GRXCR1: variants seen among roughly 807,000 people sequenced by gnomAD.
GRXCR1 encodes the protein glutaredoxin domain-containing cysteine-rich protein 1.
In GRXCR1, 27 loss-of-function variants were observed where a neutral mutation model predicts 27.3. The ratio of observed to expected loss-of-function variants is 0.99; its 90% CI spans 0.73 to 1.37. GRXCR1 has a LOEUF of 1.37. Among genes scored for constraint, GRXCR1 ranks in the 40% most tolerant of loss-of-function variants. The pLI, the probability that GRXCR1 is intolerant of heterozygous loss-of-function variation, is 0.00. For synonymous variants in GRXCR1, 122 were observed against 131.1 expected (o/e 0.93, Z 0.47); for missense variants, 379 against 354.4 (o/e 1.07, Z -0.56).
chr4:43,007,023 G>T (rs1286806365), intron 2 of GRXCR1, among the ~76,000 whole-genome samples: 1 of 152,296 alleles, frequency 6.6e-6, no homozygotes, highest in Admixed American at 6.5e-5. Flanking sequence ...TGTTGGGAAA[G>T]GGGAGCAGTA....
At chr4:42,997,270 A>G (rs1389718551) in intron 2 of GRXCR1, among the ~76,000 whole-genome samples, 3 of 152,152 alleles carry the variant, frequency 2.0e-5, no homozygotes, top group Non-Finnish European at 4.4e-5. Context: ...GGACACTTCA[A>G]ATATTTAGTG....
intron 1 of GRXCR1, among the ~76,000 whole-genome samples, chr4:42,910,842 C>A (rs1356613434): frequency 1.3e-5 from 2 of 152,042 alleles, no homozygotes; most frequent in African/African-American, 4.8e-5. Context: ...AAGGGGAGTG[C>A]ATGCTGATTT....
chr4:43,017,830 G>T (rs1314046021), intron 2 of GRXCR1, among the ~76,000 whole-genome samples: 3 of 152,106 alleles, frequency 2.0e-5, no homozygotes, highest in Non-Finnish European at 4.4e-5. Flanking sequence ...TCTCTTTTGT[G>T]GACACAGAGG....
At position 42,903,308 on chromosome 4, in the gene GRXCR1, ATTTTTTTTTT is replaced by A. The variant is rs35512711; in HGVS notation, c.384+9677_384+9686del. ...AAAAATTTGGGCCACAGCTTTGTAG[ATTTTTTTTTT>A]TTTTTTTTTTTTTTTTTTAGACGGA... On this transcript the variant is annotated intron_variant, in intron 1 of 3. Coordinates refer to ENST00000399770, the MANE Select transcript of GRXCR1 (RefSeq NM_001080476.3). Among the ~76,000 whole-genome samples, 13 of 63,228 alleles carry A rather than the reference ATTTTTTTTTT, an allele frequency of 2.1e-4. 1 individual carries two copies. The highest frequency in any genetic ancestry group is 6.2e-4 in the East Asian group (1 of 1,612). 41.5% of individuals were successfully genotyped at this position (63,228 alleles called of 152,430 possible).
intron 2 of GRXCR1, among the ~76,000 whole-genome samples, chr4:42,978,762 G>A (rs1748583021): frequency 6.6e-6 from 1 of 152,006 alleles, no homozygotes; most frequent in African/African-American, 2.4e-5. Flanking sequence ...CAATGACATG[G>A]TTAGGCTTTG....
intron 2 of GRXCR1, among the ~76,000 whole-genome samples, chr4:42,989,144 A>G (rs2048944853): frequency 2.0e-5 from 3 of 152,220 alleles, no homozygotes; most frequent in Non-Finnish European, 4.4e-5. Context: ...ATATTACTCA[A>G]CTAGGACGGG....
chr4:42,999,258 A>G (rs962909402), intron 2 of GRXCR1, among the ~76,000 whole-genome samples: 5 of 152,184 alleles, frequency 3.3e-5, no homozygotes, highest in African/African-American at 7.2e-5. Context: ...GTTTCTCTGC[A>G]CATCATACCT....
At chr4:42,913,059 C>A (rs1041366821) in intron 1 of GRXCR1, among the ~76,000 whole-genome samples, 9 of 152,144 alleles carry the variant, frequency 5.9e-5, no homozygotes, top group African/African-American at 2.2e-4. Context: ...GAGGACTCTC[C>A]AGCCATGCAG....
chr4:42,982,641 A>C (rs1482117628), intron 2 of GRXCR1, among the ~76,000 whole-genome samples: 19 of 127,830 alleles, frequency 1.5e-4, no homozygotes, highest in African/African-American at 5.2e-4. Flanking sequence ...ACTGACTTCC[A>C]CAATGGTTGA....
chr4:42,932,655 GAGAGAGAGA>G (rs1560654412), intron 1 of GRXCR1, among the ~76,000 whole-genome samples: 71 of 134,078 alleles, frequency 5.3e-4, no homozygotes, highest in South Asian at 1.7e-3. Context: ...GAGAGAGAGA[GAGAGAGAGA>G]GGCAATCTGT....
intron 2 of GRXCR1, among the ~76,000 whole-genome samples, chr4:43,000,713 C>T (rs759631249): frequency 7.9e-5 from 12 of 151,754 alleles, no homozygotes; most frequent in Non-Finnish European, 1.5e-4. Flanking sequence ...TATAGGCTTC[C>T]GTACCATCTT....
chr4:42,897,953 A>C (rs1477041960), intron 1 of GRXCR1, among the ~76,000 whole-genome samples: 4 of 22,086 alleles, frequency 1.8e-4, no homozygotes, highest in Non-Finnish European at 4.8e-4. Context: ...TATTATTATT[A>C]TTATTCTTAT....
chr4:42,951,544 G>T (rs1390855715), intron 1 of GRXCR1, among the ~76,000 whole-genome samples: 1 of 152,144 alleles, frequency 6.6e-6, no homozygotes, highest in Admixed American at 6.5e-5. Flanking sequence ...TGCTAAAGAG[G>T]TAGATCCCAG....
intron 1 of GRXCR1, among the ~76,000 whole-genome samples, chr4:42,913,556 AT>A (rs1459686829): frequency 6.6e-6 from 1 of 152,208 alleles, no homozygotes; most frequent in African/African-American, 2.4e-5. Context: ...TTCAAGAGGA[AT>A]TGGAGCATGA....
chr4:42,977,678 T>A (rs1748555593), intron 2 of GRXCR1, among the ~76,000 whole-genome samples: 3 of 152,064 alleles, frequency 2.0e-5, no homozygotes, highest in Admixed American at 2.0e-4. Flanking sequence ...GTTGAGTTTT[T>A]GGGTTCCTTG....
intron 1 of GRXCR1, among the ~76,000 whole-genome samples, chr4:42,929,960 T>C (rs967614182): frequency 6.6e-6 from 1 of 152,010 alleles, no homozygotes; most frequent in African/African-American, 2.4e-5. Context: ...CTCAAGTGCA[T>C]CTCTAAGACC....
chr4:43,029,454 C>G (rs1052857786), intron 3 of GRXCR1, among the ~76,000 whole-genome samples: 2 of 152,130 alleles, frequency 1.3e-5, no homozygotes, highest in African/African-American at 4.8e-5. Context: ...TATCAATTTA[C>G]TTATTTTCTC....
chr4:42,958,725 C>A (rs1748064792), intron 1 of GRXCR1, among the ~76,000 whole-genome samples: 1 of 151,776 alleles, frequency 6.6e-6, no homozygotes, highest in South Asian at 2.1e-4. Context: ...TAGCAAAAAC[C>A]AAATAATCCA....
rs144728226 is a variant in GRXCR1 at position 42,920,538 on chromosome 4, G to T, written c.384+26888G>T. Among the ~76,000 whole-genome samples, 798 of 152,210 alleles carry T rather than the reference G, an allele frequency of 5.2e-3. 9 individuals are homozygous for T. The highest frequency in any genetic ancestry group is 0.018 in the African/African-American group (755 of 41,554). ...CATGCCTAGAAGAGCTGGAAGCTTA[G>T]AGAATGTGTTGACGTGGTTTGTACA... On this transcript the variant is annotated intron_variant, in intron 1 of 3. Coordinates refer to ENST00000399770, the MANE Select transcript of GRXCR1 (RefSeq NM_001080476.3).
Sources: allele counts gnomAD v4.1 joint callset (sites outside exome capture counted in the v4.1 genomes callset), GRCh38; gene constraint gnomAD v4.1.1; transcripts MANE v1.5; gene names NCBI Gene and HGNC (gene_info 2026-07-23, HGNC 2026-07-21).